VIT: variants seen among roughly 807,000 people sequenced by gnomAD.
VIT encodes the protein vitrin.
Under a neutral mutation model 78.0 loss-of-function variants are expected in VIT, and 99 were observed. The observed-to-expected ratio is 1.27, with a 90% CI of 1.08 to 1.50. The LOEUF is 1.50. VIT is among the 40% of genes most tolerant of loss of function. The pLI, the probability that VIT is intolerant of heterozygous loss-of-function variation, is 0.00. For missense variants in VIT, 1,126 were observed against 875.3 expected, an observed-to-expected ratio of 1.29 and a Z score of -3.61; for synonymous variants, 374 against 334.3, an observed-to-expected ratio of 1.12 and a Z score of -1.29.
At chr2:36,706,764 T>C (rs1336260147) in intron 1 of VIT, among the ~76,000 whole-genome samples, 3 of 152,218 alleles carry the variant, frequency 2.0e-5, no homozygotes, top group Non-Finnish European at 4.4e-5. Context: ...GCTGCTTCAG[T>C]TGTAGATGTA....
At chr2:36,784,372 A>C (rs1195192810) in intron 11 of VIT, among the ~76,000 whole-genome samples, 1 of 152,178 alleles carries the variant, frequency 6.6e-6, no homozygotes, top group Admixed American at 6.5e-5. Context: ...CTTGCTACCC[A>C]AAGTGTGGTC....
At chr2:36,745,438 C>T (rs1211203866) in intron 4 of VIT, among the ~76,000 whole-genome samples, 1 of 152,184 alleles carries the variant, frequency 6.6e-6, no homozygotes, top group Non-Finnish European at 1.5e-5. Flanking sequence ...TTCTTCCACT[C>T]CATGAGCATG....
intron 1 of VIT, among the ~76,000 whole-genome samples, chr2:36,700,752 T>G (rs964207849): frequency 3.9e-5 from 6 of 151,974 alleles, no homozygotes; most frequent in African/African-American, 1.5e-4. Flanking sequence ...ATAATAATAA[T>G]AATAATAATA....
At chr2:36,759,264 ATTGTGTCTCTATAT>A in intron 6 of VIT, 1 of 1,493,218 alleles carries the variant, frequency 6.7e-7, no homozygotes, top group Non-Finnish European at 8.9e-7. Flanking sequence ...CAATTCCGAG[ATTGTGTCTCTATAT>A]TTGTGTCATT....
chr2:36,725,061 C>T (rs1338740412), intron 2 of VIT, among the ~76,000 whole-genome samples: 1 of 152,190 alleles, frequency 6.6e-6, no homozygotes, highest in African/African-American at 2.4e-5. Context: ...CTCACACCCA[C>T]TCAAACCCCA....
intron 2 of VIT, among the ~76,000 whole-genome samples, chr2:36,722,948 C>T (rs147357902): frequency 6.6e-6 from 1 of 151,044 alleles, no homozygotes; most frequent in Non-Finnish European, 1.5e-5. Flanking sequence ...ATCAATTTAT[C>T]ATTTATATAA....
intron 3 of VIT, among the ~76,000 whole-genome samples, chr2:36,731,335 G>A (rs953657262): frequency 1.3e-5 from 2 of 151,968 alleles, no homozygotes; most frequent in African/African-American, 2.4e-5. Flanking sequence ...GTGCAGTGGC[G>A]CAATCTCGGC....
At chr2:36,793,390 T>A (rs1558577932) in intron 12 of VIT, among the ~76,000 whole-genome samples, 6 of 152,202 alleles carry the variant, frequency 3.9e-5, no homozygotes, top group Admixed American at 2.0e-4. Flanking sequence ...AAAAGACCAG[T>A]TCCCATTCAT....
chr2:36,798,085 G>C, intron 12 of VIT, among the ~76,000 whole-genome samples: 1 of 152,190 alleles, frequency 6.6e-6, no homozygotes, highest in East Asian at 1.9e-4. Context: ...AAAAGAGAGT[G>C]AAAGAGAGAA....
At chr2:36,721,259 TTTTA>T (rs1054785985) in intron 2 of VIT, among the ~76,000 whole-genome samples, 12 of 152,240 alleles carry the variant, frequency 7.9e-5, no homozygotes, top group African/African-American at 2.4e-4. Flanking sequence ...TATAGACAAT[TTTTA>T]TTTGTCAATT....
chr2:36,767,196 C>G lies in VIT; in HGVS notation c.590C>G (p.Pro197Arg), dbSNP rs1346020673. ...LLAVTVAVAT[P>R]TTLPRPSPSA... is the part of the protein sequence containing the mutation. ...GCTGTCACTGTAGCTGTGGCCACCC[C>G]CACCACCTTGCCAAGGCCATCCCCT... Residue 197 changes from proline to arginine, a missense_variant, in exon 7 of 16, where the codon CCC (proline) becomes CGC (arginine). Coordinates refer to ENST00000379242, the MANE Select transcript of VIT (RefSeq NM_053276.4). 1 of 1,610,066 alleles carries G rather than the reference C, an allele frequency of 6.2e-7. No individual in the cohort carries two copies. The highest frequency in any genetic ancestry group is 1.1e-5 in the South Asian group (1 of 89,966).
chr2:36,752,509 C>G (rs1668523141), intron 4 of VIT, among the ~76,000 whole-genome samples: 1 of 152,220 alleles, frequency 6.6e-6, no homozygotes, highest in Non-Finnish European at 1.5e-5. Context: ...GGAAGTGGAA[C>G]TGGGTTTGCT....
intron 6 of VIT, among the ~76,000 whole-genome samples, chr2:36,766,158 A>G (rs1251087188): frequency 2.6e-5 from 4 of 152,242 alleles, no homozygotes; most frequent in African/African-American, 7.2e-5. Flanking sequence ...CTTGCTTTAT[A>G]GGGAGCCAAC....
Position 36,808,839 on chromosome 2 carries a change from G to A in VIT, c.1757G>A (p.Gly586Asp). 6.2e-7 allele frequency: 1 copy of A among 1,614,210 alleles called. No homozygotes were observed. Among genetic ancestry groups the A allele is most frequent in the Non-Finnish European group, 8.5e-7 (1 of 1,180,040 alleles). Reference protein sequence around the residue: ...AIKRVGYWSGGTSTGAAINFA... With the variant: ...AIKRVGYWSGDTSTGAAINFA... The stretch of plus-strand genomic sequence containing the variant: ...AAGAGGGTGGGCTACTGGAGTGGTG[G>A]CACCAGCACGGGGGCTGCCATCAAC... Residue 586 changes from glycine (G) to aspartate (D), a missense_variant, in exon 15 of 16, where the codon GGC becomes GAC. Gly to Asp is a moderately conservative substitution (Grantham distance 94). Transcript: ENST00000379242.
At chr2:36,800,366 G>A (rs992931072) in intron 12 of VIT, among the ~76,000 whole-genome samples, 1 of 152,128 alleles carries the variant, frequency 6.6e-6, no homozygotes, top group Non-Finnish European at 1.5e-5. Flanking sequence ...AAAGAAAAAA[G>A]AAAACAGTAA....
chr2:36,788,355 G>C (rs1665253233), intron 12 of VIT, among the ~76,000 whole-genome samples: 1 of 152,190 alleles, frequency 6.6e-6, no homozygotes, highest in African/African-American at 2.4e-5. Flanking sequence ...TAATTTTTGA[G>C]TTGTCAAGAG....
chr2:36,726,472 T>G (rs943731937), intron 2 of VIT, among the ~76,000 whole-genome samples: 19 of 152,186 alleles, frequency 1.2e-4, no homozygotes, highest in Non-Finnish European at 2.9e-5. Context: ...GTTGTTTACG[T>G]TTTTCTACAA....
chr2:36,805,605 A>G lies in VIT; in HGVS notation c.1330A>G (p.Ile444Val), dbSNP rs1445739543. 1 of 1,614,162 alleles carries G rather than the reference A, an allele frequency of 6.2e-7. No homozygotes were observed. Among genetic ancestry groups the G allele is most frequent in the Non-Finnish European group, 8.5e-7 (1 of 1,180,028 alleles). Residue 444 changes from isoleucine (I) to valine (V), a missense_variant, in exon 14 of 16, where the codon ATT becomes GTT. Physicochemically the swap from Ile to Val is conservative, Grantham distance 29. Coordinates refer to ENST00000379242, the MANE Select transcript of VIT (RefSeq NM_053276.4). ...AGGAATCAACATTTTCTTCATCACC[A>G]TTGAAGGTGCTGCTGAAAATGAGAA... ...ESGINIFFIT[I>V]EGAAENEKQY...
intron 6 of VIT, among the ~76,000 whole-genome samples, chr2:36,764,162 G>C (rs1456126721): frequency 2.0e-5 from 3 of 152,206 alleles, no homozygotes; most frequent in African/African-American, 7.2e-5. Flanking sequence ...GTGGCAAAAA[G>C]TGTTCACTAT....
Sources: gnomAD v4.1 joint callset for allele counts (sites outside exome capture counted in the v4.1 genomes callset) on GRCh38, gnomAD v4.1.1 for gene constraint, MANE v1.5 for transcripts, NCBI Gene and HGNC (gene_info 2026-07-23, HGNC 2026-07-21) for gene names.